Variants in ANHX observed in about 807,000 individuals in gnomAD.
ANHX encodes the protein anomalous homeobox protein.
Under a neutral mutation model 38.9 loss-of-function variants are expected in ANHX, and 20 were observed. That is an observed-to-expected ratio of 0.51 (90% confidence interval 0.36 to 0.75). The LOEUF (loss-of-function observed/expected upper bound fraction) is 0.75, where lower values mean the gene tolerates loss of function less well. Ranked by LOEUF, ANHX falls within the 30% of genes least tolerant of loss-of-function variation. The pLI is 0.00. For missense variants in ANHX, 475 were observed against 493.1 expected (o/e 0.96, Z 0.35); for synonymous variants, 185 against 203.1 (o/e 0.91, Z 0.76).
At chr12:133,232,028 C>T (rs182534941) in intron 2 of ANHX, among the ~76,000 whole-genome samples, 46 of 152,228 alleles carry the variant, frequency 3.0e-4, no homozygotes, top group Admixed American at 3.3e-4. Context: ...AAGGGGAAGT[C>T]CAGTGACTCT....
intron 7 of ANHX, among the ~76,000 whole-genome samples, chr12:133,224,788 AC>A (rs1238787652): frequency 1.3e-5 from 2 of 150,546 alleles, no homozygotes; most frequent in Admixed American, 1.3e-4. Flanking sequence ...ACAGGGTGAA[AC>A]CCCGTCTCTA....
intron 2 of ANHX, 47 bp downstream of exon 2, chr12:133,234,061 G>A: frequency 6.6e-7 from 1 of 1,519,600 alleles, no homozygotes; most frequent in Non-Finnish European, 8.8e-7. Flanking sequence ...GCTGCCTAAA[G>A]AAGTTGCTAC....
At chr12:133,233,829 T>G (rs1041675117) in intron 2 of ANHX, among the ~76,000 whole-genome samples, 1 of 152,198 alleles carries the variant, frequency 6.6e-6, no homozygotes, top group African/African-American at 2.4e-5. Context: ...TTCACTCACT[T>G]TATTGGCATC....
chr12:133,231,247 G>A (rs1286102718), intron 3 of ANHX, among the ~76,000 whole-genome samples: 1 of 152,218 alleles, frequency 6.6e-6, no homozygotes. Flanking sequence ...CTTAGCCTCA[G>A]TCACCCTGTG....
intron 3 of ANHX, among the ~76,000 whole-genome samples, chr12:133,230,976 T>C (rs1022625354): frequency 1.3e-5 from 2 of 152,234 alleles, no homozygotes; most frequent in Admixed American, 1.3e-4. Flanking sequence ...GTGCCTATCA[T>C]GTGCCTGGCA....
intron 7 of ANHX, among the ~76,000 whole-genome samples, chr12:133,222,880 T>C (rs909024654): frequency 2.0e-5 from 3 of 152,128 alleles, no homozygotes; most frequent in African/African-American, 7.2e-5. Context: ...TAAAGAAGGA[T>C]TGAAATTCTC....
At chr12:133,232,235 T>G (rs1347506762) in intron 2 of ANHX, among the ~76,000 whole-genome samples, 3 of 44,710 alleles carry the variant, frequency 6.7e-5, no homozygotes. Context: ...ACCCATCCAC[T>G]TAACTGGACT....
intron 2 of ANHX, among the ~76,000 whole-genome samples, chr12:133,232,236 TAAC>T (rs2135575358): frequency 6.6e-6 from 1 of 152,298 alleles, no homozygotes; most frequent in African/African-American, 2.4e-5. Flanking sequence ...CCCATCCACT[TAAC>T]TGGACTTTGC....
At chr12:133,235,362 G>A (rs905117432) in intron 1 of ANHX, 1 of 152,216 alleles carries the variant, frequency 6.6e-6, no homozygotes, top group African/African-American at 2.4e-5. Flanking sequence ...GGGGTACCTT[G>A]GCCTGTCCGC....
rs1957111582 is a variant in ANHX at position 133,221,790 on chromosome 12, CTGAGGT to C, written c.1133-444_1133-439del. ...TCTTACTAAGGTTACCAAGATGTCA[CTGAGGT>C]ATAAGCTGTCACTAGTTTCCCCTCC... On this transcript the variant is annotated intron_variant, in intron 7 of 9. Coordinates refer to ENST00000545940, the MANE Select transcript of ANHX (RefSeq NM_001372060.1). The surrounding 1 kb of genome is among the most constrained non-coding windows in gnomAD (Gnocchi z 4.1). Among the ~76,000 whole-genome samples, 1 of 152,216 alleles carries C rather than the reference CTGAGGT, an allele frequency of 6.6e-6. No homozygotes were observed. The highest frequency in any genetic ancestry group is 1.5e-5 in the Non-Finnish European group (1 of 68,048).
At chr12:133,222,334 T>C (rs1250177493) in intron 7 of ANHX, among the ~76,000 whole-genome samples, 1 of 152,100 alleles carries the variant, frequency 6.6e-6, no homozygotes, top group Non-Finnish European at 1.5e-5. Flanking sequence ...TGATGGGGTG[T>C]CTGGCAGGGA....
intron 7 of ANHX, among the ~76,000 whole-genome samples, chr12:133,223,976 T>G (rs1291045118): frequency 6.6e-6 from 1 of 152,174 alleles, no homozygotes; most frequent in East Asian, 1.9e-4. Flanking sequence ...TTAAAGACAT[T>G]TTTAGAACAA....
chr12:133,228,147 C>G (rs1378487140), intron 3 of ANHX, among the ~76,000 whole-genome samples, 200 bp from the exon 4 acceptor site: 1 of 152,148 alleles, frequency 6.6e-6, no homozygotes, highest in Non-Finnish European at 1.5e-5. Context: ...TGTTCCAGAA[C>G]ATCTACAGGC....
intron 3 of ANHX, among the ~76,000 whole-genome samples, chr12:133,228,612 A>G (rs930537823): frequency 6.6e-6 from 1 of 151,960 alleles, no homozygotes; most frequent in Non-Finnish European, 1.5e-5. Context: ...CTCAGAAGAG[A>G]AGCACCACCT....
rs1957064397 is a variant in ANHX at position 133,218,383 on chromosome 12, G to A, written c.*502C>T. ...TAGACACAGTGAATTACAACCTGGAGGGAAAATCCACCCTACTCTGCCCTG... is the reference window on the plus strand; with the variant it reads ...TAGACACAGTGAATTACAACCTGGAAGGAAAATCCACCCTACTCTGCCCTG... On this transcript the variant is annotated 3_prime_UTR_variant, in exon 10 of 10. Coordinates refer to ENST00000545940, the MANE Select transcript of ANHX (RefSeq NM_001372060.1). The A allele has an allele frequency of 6.5e-6, 1 of 152,706 alleles. No homozygotes were observed. Among genetic ancestry groups the A allele is most frequent in the South Asian group, 2.1e-4 (1 of 4,838 alleles). 9.5% of individuals were successfully genotyped at this position (152,706 alleles called of 1,614,324 possible).
At position 133,226,385 on chromosome 12, in the gene ANHX, A is replaced by T. The variant is rs942337345; in HGVS notation, c.772T>A (p.Trp258Arg). Residue 258 changes from tryptophan (W) to arginine (R), a missense_variant, in exon 6 of 10, where the codon TGG (tryptophan) becomes AGG (arginine). By Grantham distance (101) the Trp-to-Arg change is moderately radical. Transcript: ENST00000545940. ...TCCGGGGCTAAGGCCAGTGGCTCCCATGGTCCTTGGGTGGTCTGTGGGGAC... is the reference window on the plus strand; with the variant it reads ...TCCGGGGCTAAGGCCAGTGGCTCCCTTGGTCCTTGGGTGGTCTGTGGGGAC... ...PQSPQTTQGPWEPLALAPDFP... is the reference protein window; with the variant it reads ...PQSPQTTQGPREPLALAPDFP... The T allele has an allele frequency of 2.6e-6, 4 of 1,536,088 alleles. No homozygotes were observed. The highest frequency in any genetic ancestry group is 3.5e-6 in the Non-Finnish European group (4 of 1,146,910).
chr12:133,225,412 G>A (rs1476043921), intron 7 of ANHX, among the ~76,000 whole-genome samples, 124 bp downstream of exon 7: 1 of 152,136 alleles, frequency 6.6e-6, no homozygotes, highest in Non-Finnish European at 1.5e-5. Context: ...ATTGGTTCCA[G>A]GTCTAATCAA....
At chr12:133,230,996 G>C (rs1957265060) in intron 3 of ANHX, among the ~76,000 whole-genome samples, 1 of 152,174 alleles carries the variant, frequency 6.6e-6, no homozygotes, top group Admixed American at 6.5e-5. Context: ...ACTATTCTGA[G>C]CGCCTGACAT....
chr12:133,230,178 C>T (rs1957249173), intron 3 of ANHX, among the ~76,000 whole-genome samples: 1 of 152,236 alleles, frequency 6.6e-6, no homozygotes, highest in South Asian at 2.1e-4. Flanking sequence ...GGAGGCAGAG[C>T]CTGGCCTTCA....
Sources: allele counts gnomAD v4.1 joint callset (sites outside exome capture counted in the v4.1 genomes callset), GRCh38; gene constraint gnomAD v4.1.1; non-coding constraint Gnocchi (gnomAD v3.1); transcripts MANE v1.5; gene names NCBI Gene and HGNC (gene_info 2026-07-23, HGNC 2026-07-21).